The following ALDH16A1 variants were observed in gnomAD, a reference collection of about 807,000 sequenced individuals.
ALDH16A1 encodes aldehyde dehydrogenase family 16 member A1.
A neutral mutation model predicts 96.1 loss-of-function variants in ALDH16A1; 88 were observed. That is an observed-to-expected ratio of 0.92 (90% confidence interval 0.77 to 1.09). The LOEUF is 1.09. Ranked by LOEUF, ALDH16A1 falls within the 50% of genes least tolerant of loss-of-function variation. The pLI is 0.00. For missense variants in ALDH16A1, 1,250 were observed against 1,112.6 expected (o/e 1.12, Z -1.76); for synonymous variants, 522 against 496.4 (o/e 1.05, Z -0.69).
At chr19:49,460,614 A>C (rs975230493) in intron 4 of ALDH16A1, among the ~76,000 whole-genome samples, 5 of 150,844 alleles carry the variant, frequency 3.3e-5, no homozygotes, top group African/African-American at 1.2e-4. Context: ...GGGTTTTTCC[A>C]TGTTGGTCAG....
intron 16 of ALDH16A1, 175 bp from the exon 17 acceptor site, chr19:49,470,131 T>C (rs2079232813): frequency 4.2e-6 from 3 of 719,170 alleles, no homozygotes; most frequent in African/African-American, 1.8e-5. Flanking sequence ...AACCACTGGG[T>C]CCAGTGCTTT....
intron 16 of ALDH16A1, chr19:49,470,058 G>C (rs1227042415): frequency 2.1e-6 from 1 of 483,846 alleles, no homozygotes; most frequent in African/African-American, 2.0e-5. Context: ...ATGTGAACTT[G>C]TTGACAAGAG....
chr19:49,468,623 G>A lies in ALDH16A1; in HGVS notation c.2124+57G>A. 2 of 1,574,632 alleles carry A rather than the reference G, an allele frequency of 1.3e-6. No homozygotes were observed. The highest frequency in any genetic ancestry group is 1.7e-6 in the Non-Finnish European group (2 of 1,164,714). On this transcript the variant is annotated intron_variant, in intron 15 of 16. Coordinates refer to ENST00000293350, the MANE Select transcript of ALDH16A1 (RefSeq NM_153329.4). This position sits in a 1 kb window ranked among gnomAD's most constrained non-coding sequence, Gnocchi z 4.4. ...CCGTAGCCTCAGGGCAGCAGAAAAA[G>A]GCGCCCCAAAGTCGGCAGGAGCTTG...
rs2914663 is a variant in ALDH16A1 at position 49,462,396 on chromosome 19, A to G, written c.913-174A>G. ...GTGATCCGCCCACCTCGGCCTCCCA[A>G]AGTGCTGGGACTGCAGGTGTGAGCC... On this transcript the variant is annotated intron_variant, in intron 7 of 16. Coordinates refer to ENST00000293350, the MANE Select transcript of ALDH16A1 (RefSeq NM_153329.4). Among the ~76,000 whole-genome samples the G allele has an allele frequency of 0.76, 114,977 of 152,090 alleles. 44,192 individuals are homozygous for G. Among genetic ancestry groups the G allele is most frequent in the Middle Eastern group, 0.86 (253 of 294 alleles).
intron 16 of ALDH16A1, chr19:49,469,913 G>A (rs1304207545): frequency 1.2e-5 from 2 of 166,718 alleles, no homozygotes; most frequent in East Asian, 1.7e-4. Context: ...ACGGGGTCTC[G>A]CCATATTGTC....
chr19:49,453,460 C>A, intron 1 of ALDH16A1, 39 bp downstream of exon 1: 2 of 1,494,908 alleles, frequency 1.3e-6, no homozygotes, highest in South Asian at 2.4e-5. Context: ...GCTGCGTTCC[C>A]CAGGCCTGGG....
At chr19:49,466,814 C>T (rs753858855) in intron 14 of ALDH16A1, among the ~76,000 whole-genome samples, 3 of 151,858 alleles carry the variant, frequency 2.0e-5, no homozygotes, top group East Asian at 1.9e-4. Flanking sequence ...GAGCCGAGAT[C>T]GTGCCACTGC....
chr19:49,466,592 G>C (rs1269986212), intron 14 of ALDH16A1, among the ~76,000 whole-genome samples: 1 of 152,222 alleles, frequency 6.6e-6, no homozygotes, highest in Non-Finnish European at 1.5e-5. Flanking sequence ...GGGGCGCAGT[G>C]GCTCACGCCT....
rs768714969 is a variant in ALDH16A1 at position 49,453,439 on chromosome 19, C to T, written c.90+18C>T. 4.0e-6 allele frequency: 6 copies of T among 1,512,270 alleles called. No homozygotes were observed. The African/African-American group carries it at 4.1e-5, about 10-fold the overall frequency. The allele number at this position is 1,512,270 out of a possible 1,614,324, so 93.7% of individuals were successfully genotyped here. On this transcript the variant is annotated intron_variant, in intron 1 of 16. Transcript: ENST00000293350. ...GCGCACTGGTGAGAGTCTGCCCGGC[C>T]GGCGCTGCTCGCTGCGTTCCCCAGG...
At chr19:49,461,001 G>A (rs2079136926) in intron 5 of ALDH16A1, 102 bp downstream of exon 5, 6 of 1,297,330 alleles carry the variant, frequency 4.6e-6, no homozygotes, top group South Asian at 1.2e-5. Flanking sequence ...TGGAGGCCTG[G>A]ACTCTGTGGA....
rs753839782 is a variant in ALDH16A1, at chr19:49,463,954, G to A, written c.1194+5G>A. ...TCCCCATGTGCCCAGGTGGAGGTGAGACCCTTAAGGCTGCAGAGCTCCTAC... is the reference window on the plus strand; with the variant it reads ...TCCCCATGTGCCCAGGTGGAGGTGAAACCCTTAAGGCTGCAGAGCTCCTAC... On this transcript the variant is annotated splice_donor_5th_base_variant and intron_variant, in intron 9 of 16. Coordinates refer to ENST00000293350, the MANE Select transcript of ALDH16A1 (RefSeq NM_153329.4). 38 of 1,606,736 alleles carry A rather than the reference G, an allele frequency of 2.4e-5. No homozygotes were observed. In the East Asian group the frequency reaches 8.0e-4, roughly 34 times the overall value.
At chr19:49,467,576 A>T (rs1178238211) in intron 14 of ALDH16A1, among the ~76,000 whole-genome samples, 17 of 148,750 alleles carry the variant, frequency 1.1e-4, no homozygotes, top group South Asian at 1.1e-3. Flanking sequence ...TTTTTTGTAT[A>T]TTTAGTAGAG....
In ALDH16A1 at chr19:49,460,838, C is replaced by T; in HGVS notation, c.516C>T (p.Ile172=). Residue 172 remains isoleucine (I), a synonymous_variant, in exon 5 of 17, where the codon ATC becomes ATT. Transcript: ENST00000293350. ...GWEPMGVIGL[I]LPPTFSFLEM... is the part of the protein sequence containing the mutation. Reference sequence around the variant, plus strand: ...TTCTTGCAGGAGTAATTGGCCTCATCCTGCCACCCACATTCTCCTTCCTTG... The same window carrying T: ...TTCTTGCAGGAGTAATTGGCCTCATTCTGCCACCCACATTCTCCTTCCTTG... 1 of 1,612,180 alleles carries T rather than the reference C, an allele frequency of 6.2e-7. No individual in the cohort carries two copies. Among genetic ancestry groups the T allele is most frequent in the Admixed American group, 1.7e-5 (1 of 59,928 alleles).
chr19:49,466,740 G>A (rs1372668554), intron 14 of ALDH16A1, among the ~76,000 whole-genome samples: 2 of 151,580 alleles, frequency 1.3e-5, no homozygotes, highest in Admixed American at 1.3e-4. Context: ...GGCACCTATA[G>A]TCCCAGCTAC....
At chr19:49,462,835 GAGCTGGGCGTGGACAACTGGGTCCGAGGA>G in intron 8 of ALDH16A1, 80 bp downstream of exon 8, 3 of 1,367,538 alleles carry the variant, frequency 2.2e-6, no homozygotes, top group Non-Finnish European at 2.9e-6. Context: ...AGGGAGGAGG[GAGCTGGGCGTGGACAACTGGGTCCGAGGA>G]AGGAGGGGCT....
At chr19:49,460,714 A>AGT in intron 4 of ALDH16A1, 108 bp from the exon 5 acceptor site, 4 of 652,728 alleles carry the variant, frequency 6.1e-6, no homozygotes, top group Non-Finnish European at 9.8e-6. Context: ...ACACCCGGCC[A>AGT]TTTTTTTTTT....
In ALDH16A1 at chr19:49,459,051, G is replaced by A. The variant is rs140036010; in HGVS notation, c.285G>A (p.Ala95=). ...AARMAFKGWS[A]HPGVVRAQHL... ...GGATGGCATTTAAGGGCTGGAGTGCGCACCCCGGCGTCGTCCGGGCCCAGC... is the reference window on the plus strand; with the variant it reads ...GGATGGCATTTAAGGGCTGGAGTGCACACCCCGGCGTCGTCCGGGCCCAGC... Residue 95 remains alanine, a synonymous_variant, in exon 3 of 17, where the codon GCG becomes GCA. Coordinates refer to ENST00000293350, the MANE Select transcript of ALDH16A1 (RefSeq NM_153329.4). The surrounding 1 kb of genome is among the most constrained non-coding windows in gnomAD (Gnocchi z 4.1). 8.2e-5 allele frequency: 133 copies of A among 1,613,260 alleles called. No homozygotes were observed. In the African/African-American group the frequency reaches 1.5e-3, roughly 18 times the overall value.
chr19:49,468,513 G>A lies in ALDH16A1; in HGVS notation c.2071G>A (p.Val691Met), dbSNP rs2079218494. 2 of 1,604,424 alleles carry A rather than the reference G, an allele frequency of 1.2e-6. No homozygotes were observed. The highest frequency in any genetic ancestry group is 8.5e-7 in the Non-Finnish European group (1 of 1,179,910). The change falls in exon 15 of 17, where the codon GTG becomes ATG. Residue 691 changes from valine (V) to methionine (M), a missense_variant. Val to Met is a conservative substitution (Grantham distance 21, BLOSUM62 1). Coordinates refer to ENST00000293350, the MANE Select transcript of ALDH16A1 (RefSeq NM_153329.4). The surrounding 1 kb of genome is among the most constrained non-coding windows in gnomAD (Gnocchi z 4.4). ...LAPALAYGNT[V>M]VMVPSAACPL... ...TCCCGCCCTGGCCTACGGCAACACT[G>A]TGGTCATGGTGCCCAGTGCGGCCTG...
At chr19:49,463,425 T>C (rs1228052780) in intron 8 of ALDH16A1, among the ~76,000 whole-genome samples, 3 of 6,236 alleles carry the variant, frequency 4.8e-4, no homozygotes, top group Non-Finnish European at 3.0e-4. Flanking sequence ...GCTGGGGGCC[T>C]GGACTCCTGG....
Sources: gnomAD v4.1 joint callset for allele counts (sites outside exome capture counted in the v4.1 genomes callset) on GRCh38, gnomAD v4.1.1 for gene constraint, Gnocchi (gnomAD v3.1) non-coding constraint, MANE v1.5 for transcripts, NCBI Gene and HGNC (gene_info 2026-07-23, HGNC 2026-07-21) for gene names.